PCDHA3: variants seen among roughly 807,000 people sequenced by gnomAD.
PCDHA3 encodes the protein protocadherin alpha-3.
Under a neutral mutation model 62.2 loss-of-function variants are expected in PCDHA3, and 41 were observed. That is an observed-to-expected ratio of 0.66 (90% confidence interval 0.51 to 0.86). The LOEUF (loss-of-function observed/expected upper bound fraction) is 0.86, where lower values mean the gene tolerates loss of function less well. Among genes scored for constraint, PCDHA3 ranks in the 40% least tolerant of loss-of-function variants. The pLI is 0.00. For missense variants in PCDHA3, 1,304 were observed against 1,241.2 expected (o/e 1.05, Z -0.76); for synonymous variants, 640 against 555.4 (o/e 1.15, Z -2.14).
At position 140,857,034 on chromosome 5, in the gene PCDHA3, T is replaced by C. The variant is rs374158544; in HGVS notation, c.2394+53443T>C. On this transcript the variant is annotated intron_variant, in intron 1 of 3. Transcript: ENST00000522353. Reference sequence around the variant, plus strand: ...GTTACAGATAAGGGAAACCCACCTATGGTTGGTCACTGCACGGTCCTAGTG... The same window carrying C: ...GTTACAGATAAGGGAAACCCACCTACGGTTGGTCACTGCACGGTCCTAGTG... The C allele has an allele frequency of 5.6e-6, 9 of 1,595,714 alleles. No homozygotes were observed. The African/African-American group carries it at 8.1e-5, about 14-fold the overall frequency.
intron 1 of PCDHA3, among the ~76,000 whole-genome samples, chr5:140,888,270 GT>G (rs2061763105): frequency 6.6e-6 from 1 of 152,102 alleles, no homozygotes; most frequent in Non-Finnish European, 1.5e-5. Context: ...ATAAGAAACA[GT>G]TTTGTCCCCT....
chr5:140,879,948 C>T (rs1025902128), intron 1 of PCDHA3, among the ~76,000 whole-genome samples: 1 of 152,168 alleles, frequency 6.6e-6, no homozygotes, highest in Non-Finnish European at 1.5e-5. Context: ...ATTTAGGGCC[C>T]ATCTGGATAA....
rs2150184699 is a variant in PCDHA3, at chr5:140,830,304, C to G, written c.2394+26713C>G. On this transcript the variant is annotated intron_variant, in intron 1 of 3. Transcript: ENST00000522353. ...GGCGCGTGCACGGCGGACAAGCCCA[C>G]GCTGGTGTGCTCCAGCGCAGTGGGG... is the stretch of plus-strand genomic sequence containing the variant. 14 of 1,613,942 alleles carry G rather than the reference C, an allele frequency of 8.7e-6. No individual in the cohort carries two copies. Among genetic ancestry groups the G allele is most frequent in the Non-Finnish European group, 1.1e-5 (13 of 1,179,908 alleles).
At chr5:140,932,755 GA>G (rs1554209056) in intron 1 of PCDHA3, among the ~76,000 whole-genome samples, 4 of 151,730 alleles carry the variant, frequency 2.6e-5, no homozygotes, top group Non-Finnish European at 5.9e-5. Context: ...AAAAAGGAAA[GA>G]AAAAGAACAT....
At chr5:140,951,626 C>G (rs1182328214) in intron 1 of PCDHA3, among the ~76,000 whole-genome samples, 1 of 152,180 alleles carries the variant, frequency 6.6e-6, no homozygotes, top group East Asian at 1.9e-4. Context: ...AAGGGGGAAA[C>G]CTGCCCCATG....
At position 140,858,391 on chromosome 5, in the gene PCDHA3, T is replaced by G. The variant is rs1214576702; in HGVS notation, c.2394+54800T>G. ...GCCTTCCACCATGCCCAATGGTAGA[T>G]GTGGACGGGGAAGATCAGTCTATTG... On this transcript the variant is annotated intron_variant, in intron 1 of 3. Transcript: ENST00000522353. 2.5e-6 allele frequency: 4 copies of G among 1,577,710 alleles called. 1 individual carries two copies. The highest frequency in any genetic ancestry group is 3.5e-6 in the Non-Finnish European group (4 of 1,154,364).
intron 1 of PCDHA3, chr5:140,806,986 A>G: frequency 1.5e-6 from 1 of 654,800 alleles, no homozygotes; most frequent in Non-Finnish European, 2.6e-6. Context: ...GTTTGGAGCC[A>G]CATGATGTCG....
chr5:140,857,331 A>G lies in PCDHA3; in HGVS notation c.2394+53740A>G, dbSNP rs1554149861. 4 of 1,598,402 alleles carry G rather than the reference A, an allele frequency of 2.5e-6. No homozygotes were observed. Among genetic ancestry groups the G allele is most frequent in the African/African-American group, 1.3e-5 (1 of 74,458 alleles). On this transcript the variant is annotated intron_variant, in intron 1 of 3. Coordinates refer to ENST00000522353, the MANE Select transcript of PCDHA3 (RefSeq NM_018906.3). ...TATGAGCTGGTGGTGACCGCGCGGG[A>G]CGGGGGCTCGCCTCCGCTGTGGGCC...
intron 1 of PCDHA3, chr5:140,828,078 C>T (rs1554130999): frequency 5.7e-6 from 9 of 1,577,554 alleles, no homozygotes; most frequent in South Asian, 4.7e-5. Flanking sequence ...GAAATAAAAC[C>T]AGAGGTATTT....
chr5:140,995,905 G>C (rs1346539389), intron 3 of PCDHA3, among the ~76,000 whole-genome samples: 1 of 152,186 alleles, frequency 6.6e-6, no homozygotes, highest in Non-Finnish European at 1.5e-5. Flanking sequence ...GTATAAAAGA[G>C]GAGAGACCAT....
intron 1 of PCDHA3, chr5:140,835,997 C>T (rs2150249894): frequency 6.2e-7 from 1 of 1,613,306 alleles, no homozygotes; most frequent in Non-Finnish European, 8.5e-7. Flanking sequence ...TGAGCGCGCG[C>T]GATGCGGGCG....
rs782242128 is a variant in PCDHA3 at position 140,928,580 on chromosome 5, GT to G, written c.2395-50367del. 100 of 1,614,112 alleles carry G rather than the reference GT, an allele frequency of 6.2e-5. 1 individual carries two copies. The East Asian group carries it at 2.2e-3, about 36-fold the overall frequency. ...ATCTTGTTTCCCTTGCCCAGAAATG[GT>G]TCTGTCCCAGTGGAAATTGTGCCCC... On this transcript the variant is annotated intron_variant, in intron 1 of 3. Transcript: ENST00000522353.
At chr5:140,861,440 C>T (rs575320775) in intron 1 of PCDHA3, 3 of 493,406 alleles carry the variant, frequency 6.1e-6, no homozygotes, top group South Asian at 4.7e-5. Context: ...ATTCCAAAAG[C>T]CGCAGAAACC....
chr5:140,843,227 G>A, intron 1 of PCDHA3: 1 of 1,596,116 alleles, frequency 6.3e-7, no homozygotes, highest in Non-Finnish European at 8.6e-7. Flanking sequence ...CACCACTCGT[G>A]TCCTGGACGA....
intron 1 of PCDHA3, among the ~76,000 whole-genome samples, chr5:140,912,613 T>A (rs183484256): frequency 5.3e-4 from 80 of 152,290 alleles, no homozygotes; most frequent in African/African-American, 1.5e-3. Flanking sequence ...TCTTGTCTGA[T>A]TACTCTGGAT....
At chr5:141,005,701 CAAAAAAAAAAAAAA>C (rs59860837) in intron 3 of PCDHA3, among the ~76,000 whole-genome samples, 79 of 7,792 alleles carry the variant, frequency 0.01, 1 homozygote, top group Admixed American at 0.027. Flanking sequence ...AACTCCGTCT[CAAAAAAAAAAAAAA>C]AAAAAAAAAA....
chr5:140,891,427 C>T (rs1465861457), intron 1 of PCDHA3, among the ~76,000 whole-genome samples: 2 of 149,500 alleles, frequency 1.3e-5, no homozygotes, highest in African/African-American at 4.9e-5. Flanking sequence ...CCCCCAAGTC[C>T]CCAACGTCCA....
intron 1 of PCDHA3, chr5:140,857,046 G>A: frequency 6.3e-7 from 1 of 1,595,842 alleles, no homozygotes; most frequent in African/African-American, 1.3e-5. Context: ...GTTGGTCACT[G>A]CACGGTCCTA....
chr5:140,877,153 A>T (rs2056892429), intron 1 of PCDHA3: 2 of 1,613,798 alleles, frequency 1.2e-6, no homozygotes, highest in Non-Finnish European at 1.7e-6. Flanking sequence ...CGAGAACGAC[A>T]ACGCGCCGGC....
Sources: allele counts gnomAD v4.1 joint callset (sites outside exome capture counted in the v4.1 genomes callset), GRCh38; gene constraint gnomAD v4.1.1; transcripts MANE v1.5; gene names NCBI Gene and HGNC (gene_info 2026-07-23, HGNC 2026-07-21).